The following PRICKLE1 variants were observed in gnomAD, a reference collection of about 807,000 sequenced individuals.
The protein encoded by PRICKLE1 is prickle planar cell polarity protein 1.
PRICKLE1 carries 14 observed loss-of-function variants against 70.2 expected under a neutral mutation model. The ratio of observed to expected loss-of-function variants is 0.20; its 90% CI spans 0.13 to 0.31. The LOEUF (loss-of-function observed/expected upper bound fraction) is 0.31, where lower values mean the gene tolerates loss of function less well. Among genes scored for constraint, PRICKLE1 ranks in the 10% least tolerant of loss-of-function variants. PRICKLE1 has a pLI of 1.00. For synonymous variants in PRICKLE1, 357 were observed against 379.9 expected (o/e 0.94, Z 0.70); for missense variants, 821 against 1,026.2 (o/e 0.80, Z 2.73).
At chr12:42,479,115 C>T (rs969232836) in intron 1 of PRICKLE1, among the ~76,000 whole-genome samples, 10 of 152,310 alleles carry the variant, frequency 6.6e-5, no homozygotes, top group East Asian at 1.9e-4. Context: ...AAGAATTTCA[C>T]GACCATAAAG....
intron 1 of PRICKLE1, among the ~76,000 whole-genome samples, chr12:42,562,950 G>C (rs1940543020): frequency 3.3e-5 from 5 of 152,128 alleles, no homozygotes; most frequent in Admixed American, 3.3e-4. Flanking sequence ...AGCACTTTGG[G>C]AGGCCGAGGC....
chr12:42,571,390 G>A (rs563650308), intron 1 of PRICKLE1, among the ~76,000 whole-genome samples: 1 of 152,182 alleles, frequency 6.6e-6, no homozygotes, highest in Non-Finnish European at 1.5e-5. Context: ...AATACAAAAA[G>A]AAGCTAAAAA....
chr12:42,572,088 A>G (rs1215841882), intron 1 of PRICKLE1, among the ~76,000 whole-genome samples: 1 of 152,192 alleles, frequency 6.6e-6, no homozygotes, highest in Non-Finnish European at 1.5e-5. Context: ...TTAATATCCC[A>G]GATGATCTTC....
intron 1 of PRICKLE1, among the ~76,000 whole-genome samples, chr12:42,563,110 G>T (rs780146410): frequency 6.6e-6 from 1 of 151,740 alleles, no homozygotes; most frequent in Non-Finnish European, 1.5e-5. Context: ...TAGAGTCCGG[G>T]AGACGGAGGT....
chr12:42,570,016 T>G (rs1940681506), intron 1 of PRICKLE1, among the ~76,000 whole-genome samples: 1 of 152,246 alleles, frequency 6.6e-6, no homozygotes, highest in Non-Finnish European at 1.5e-5. Flanking sequence ...GGTGGCACTG[T>G]GCTAATGGAC....
At chr12:42,531,267 C>T (rs1054963057) in intron 1 of PRICKLE1, among the ~76,000 whole-genome samples, 10 of 149,448 alleles carry the variant, frequency 6.7e-5, no homozygotes, top group African/African-American at 9.9e-5. Context: ...AGGATGGTCT[C>T]GATCTCCTGA....
chr12:42,585,008 A>G (rs911358555), intron 1 of PRICKLE1, among the ~76,000 whole-genome samples: 1 of 152,150 alleles, frequency 6.6e-6, no homozygotes, highest in Admixed American at 6.6e-5. Context: ...CAGTACCAGA[A>G]CAACTGAAAT....
At chr12:42,567,337 G>A (rs1940636565) in intron 1 of PRICKLE1, among the ~76,000 whole-genome samples, 2 of 152,156 alleles carry the variant, frequency 1.3e-5, no homozygotes, top group South Asian at 4.1e-4. Flanking sequence ...GTTTTATGAA[G>A]ACTACTACAG....
chr12:42,523,174 A>G (rs1350890421), intron 1 of PRICKLE1, among the ~76,000 whole-genome samples: 4 of 152,086 alleles, frequency 2.6e-5, no homozygotes, highest in Admixed American at 6.6e-5. Context: ...TCACTGTGTT[A>G]GCCAGGATGG....
chr12:42,572,023 C>T (rs1417551824), intron 1 of PRICKLE1, among the ~76,000 whole-genome samples: 1 of 152,174 alleles, frequency 6.6e-6, no homozygotes, highest in African/African-American at 2.4e-5. Context: ...GGGCAGATTT[C>T]ACAATACAAT....
At chr12:42,522,962 A>AT (rs3083872) in intron 1 of PRICKLE1, among the ~76,000 whole-genome samples, 12,657 of 139,548 alleles carry the variant, frequency 0.091, 810 homozygotes, top group Admixed American at 0.17. Flanking sequence ...ATTCTAACAT[A>AT]TTTTTTTTTT....
chr12:42,488,514 T>C (rs530547850), intron 1 of PRICKLE1, among the ~76,000 whole-genome samples: 19 of 152,332 alleles, frequency 1.2e-4, no homozygotes, highest in African/African-American at 3.8e-4. Context: ...TTCAGCTTAA[T>C]TGAATAAAAA....
chr12:42,542,986 T>C (rs762856723), intron 1 of PRICKLE1, among the ~76,000 whole-genome samples: 1 of 152,210 alleles, frequency 6.6e-6, no homozygotes, highest in Non-Finnish European at 1.5e-5. Flanking sequence ...ATTGTCCTTA[T>C]GGGAGAGGCC....
chr12:42,533,202 T>G (rs1939952531), intron 1 of PRICKLE1, among the ~76,000 whole-genome samples: 1 of 127,594 alleles, frequency 7.8e-6, no homozygotes, highest in Non-Finnish European at 1.9e-5. Context: ...GGGGATAGAT[T>G]TTTTTTTCTT....
intron 1 of PRICKLE1, among the ~76,000 whole-genome samples, chr12:42,527,261 T>C (rs11181539): frequency 0.57 from 85,570 of 150,984 alleles, 24,398 homozygotes; most frequent in Admixed American, 0.67. Context: ...GCCTCCTGAG[T>C]AGCTGGGACT....
At chr12:42,537,506 CCCAAA>C (rs1017351145) in intron 1 of PRICKLE1, among the ~76,000 whole-genome samples, 2 of 152,102 alleles carry the variant, frequency 1.3e-5, no homozygotes, top group Non-Finnish European at 2.9e-5. Flanking sequence ...GGAACAAAAA[CCCAAA>C]CCAAACAAAA....
rs556479517 is a variant in PRICKLE1, at chr12:42,516,303, T to C, written c.-48-43739A>G. On this transcript the variant is annotated intron_variant, in intron 1 of 7. Coordinates refer to ENST00000345127, the MANE Select transcript of PRICKLE1 (RefSeq NM_153026.3). Reference sequence around the variant, plus strand: ...CCCACCACCACGCCTGGCTAAGTTTTTGTATTTTTTAGTAGAGACGGGGTT... The same window carrying C: ...CCCACCACCACGCCTGGCTAAGTTTCTGTATTTTTTAGTAGAGACGGGGTT... Among the ~76,000 whole-genome samples, 129 of 152,224 alleles carry C rather than the reference T, an allele frequency of 8.5e-4. 1 individual carries two copies. Among genetic ancestry groups the C allele is most frequent in the African/African-American group, 2.5e-3 (103 of 41,540 alleles).
intron 1 of PRICKLE1, chr12:42,483,064 C>T (rs532683018): frequency 1.2e-3 from 179 of 152,836 alleles, no homozygotes; most frequent in African/African-American, 4.0e-3. Context: ...AGCGAGCGAA[C>T]CCCTCCTCGG....
chr12:42,575,841 G>A (rs1940796711), intron 1 of PRICKLE1, among the ~76,000 whole-genome samples: 2 of 152,036 alleles, frequency 1.3e-5, no homozygotes, highest in Admixed American at 6.6e-5. Context: ...CTCCTATTTA[G>A]TCATTAAGAC....
Sources: gnomAD v4.1 joint callset for allele counts (sites outside exome capture counted in the v4.1 genomes callset) on GRCh38, gnomAD v4.1.1 for gene constraint, MANE v1.5 for transcripts, NCBI Gene and HGNC (gene_info 2026-07-23, HGNC 2026-07-21) for gene names.